PTPN21: variants seen among roughly 807,000 people sequenced by gnomAD.
PTPN21 encodes the protein protein tyrosine phosphatase non-receptor type 21, also known as tyrosine-protein phosphatase non-receptor type 21.
Under a neutral mutation model 131.8 loss-of-function variants are expected in PTPN21, and 77 were observed. The observed-to-expected ratio is 0.58, with a 90% CI of 0.49 to 0.71. The LOEUF (loss-of-function observed/expected upper bound fraction) is 0.71, where lower values mean the gene tolerates loss of function less well. PTPN21 is among the 30% of genes least tolerant of loss of function. The pLI, the probability that PTPN21 is intolerant of heterozygous loss-of-function variation, is 0.00. For missense variants in PTPN21, 1,552 were observed against 1,527.1 expected (o/e 1.02, Z -0.27); for synonymous variants, 715 against 621.3 (o/e 1.15, Z -2.24).
At chr14:88,526,536 C>T (rs1397164636) in intron 2 of PTPN21, among the ~76,000 whole-genome samples, 1 of 90,574 alleles carries the variant, frequency 1.1e-5, no homozygotes, top group Non-Finnish European at 1.9e-5. Context: ...GGCAATAGAG[C>T]GAGATGATCT....
Position 88,472,338 on chromosome 14 carries a change from C to T in PTPN21, c.2777G>A (p.Arg926Gln). 1.9e-6 allele frequency: 3 copies of T among 1,613,746 alleles called. No homozygotes were observed. The highest frequency in any genetic ancestry group is 2.2e-5 in the East Asian group (1 of 44,876). The stretch of plus-strand genomic sequence containing the variant: ...ATCATAAGGAAGAACATCTTGGAAT[C>T]GATTTCTTTCTGCATTTTCAGGGAG... ...ARLPENAERNRFQDVLPYDDV... is the reference protein window; with the variant it reads ...ARLPENAERNQFQDVLPYDDV... Residue 926 changes from arginine (R) to glutamine (Q), a missense_variant, in exon 15 of 19, where the codon CGA becomes CAA. Transcript: ENST00000556564.
chr14:88,506,922 T>C (rs2078099646), intron 4 of PTPN21, among the ~76,000 whole-genome samples: 1 of 151,960 alleles, frequency 6.6e-6, no homozygotes, highest in African/African-American at 2.4e-5. Context: ...GGCAGGTATC[T>C]GTAATCCCAG....
At chr14:88,507,880 T>TC in intron 4 of PTPN21, 43 bp downstream of exon 4, 1 of 1,265,454 alleles carries the variant, frequency 7.9e-7, no homozygotes. Flanking sequence ...GTAACACATT[T>TC]TAATCTGATA....
At chr14:88,551,939 C>T (rs1013609316) in intron 1 of PTPN21, 3 of 152,260 alleles carry the variant, frequency 2.0e-5, no homozygotes, top group African/African-American at 7.2e-5. Flanking sequence ...CTAAACGAGT[C>T]TACAAAATCC....
intron 4 of PTPN21, among the ~76,000 whole-genome samples, chr14:88,505,931 A>T (rs1223256063): frequency 6.6e-6 from 1 of 152,232 alleles, no homozygotes; most frequent in Admixed American, 6.5e-5. Flanking sequence ...TTTGTTTAAA[A>T]ATGATACATG....
chr14:88,548,559 C>G (rs1245948861), intron 2 of PTPN21, among the ~76,000 whole-genome samples: 2 of 152,176 alleles, frequency 1.3e-5, no homozygotes, highest in African/African-American at 2.4e-5. Context: ...ATGCATCATG[C>G]CTGTTTTCTT....
intron 15 of PTPN21, among the ~76,000 whole-genome samples, chr14:88,471,801 T>A (rs1241318529): frequency 6.6e-6 from 1 of 151,772 alleles, no homozygotes; most frequent in Non-Finnish European, 1.5e-5. Context: ...TCTTCAGATT[T>A]AGAAGGACAA....
chr14:88,504,386 G>T (rs112024697), intron 6 of PTPN21, 39 bp downstream of exon 6: 2 of 1,349,208 alleles, frequency 1.5e-6, no homozygotes, highest in South Asian at 1.2e-5. Context: ...AGCAGACATT[G>T]GTTCTATGCT....
intron 10 of PTPN21, among the ~76,000 whole-genome samples, chr14:88,495,494 C>A (rs1031258780): frequency 2.0e-5 from 3 of 152,132 alleles, no homozygotes; most frequent in African/African-American, 7.2e-5. Flanking sequence ...AACCCTGTCT[C>A]TACTAAAAAT....
intron 2 of PTPN21, among the ~76,000 whole-genome samples, chr14:88,543,829 G>C (rs1470236812): frequency 6.6e-6 from 1 of 152,070 alleles, no homozygotes; most frequent in African/African-American, 2.4e-5. Flanking sequence ...TTTAGCAGTG[G>C]CTCAGTATTT....
intron 5 of PTPN21, among the ~76,000 whole-genome samples, chr14:88,504,806 G>A (rs1057051531): frequency 2.0e-5 from 3 of 152,148 alleles, no homozygotes; most frequent in Admixed American, 6.5e-5. Flanking sequence ...TGCGTTCTCT[G>A]GCACTGTGTA....
intron 2 of PTPN21, among the ~76,000 whole-genome samples, chr14:88,544,742 G>A (rs191079818): frequency 8.5e-5 from 13 of 152,242 alleles, no homozygotes; most frequent in Admixed American, 2.0e-4. Flanking sequence ...GAAGCACCGC[G>A]CAGAGGAAAA....
intron 18 of PTPN21, 42 bp from the exon 19 acceptor site, chr14:88,468,307 G>C (rs366476): frequency 2.6e-6 from 4 of 1,540,156 alleles, no homozygotes; most frequent in Non-Finnish European, 3.5e-6. Flanking sequence ...GTGTTCCCCT[G>C]GGGAGACAGA....
At chr14:88,505,141 A>C (rs2078067830) in intron 5 of PTPN21, among the ~76,000 whole-genome samples, 163 bp downstream of exon 5, 1 of 152,220 alleles carries the variant, frequency 6.6e-6, no homozygotes, top group African/African-American at 2.4e-5. Flanking sequence ...AGATGACTAC[A>C]ACAGGGAAAG....
chr14:88,544,875 T>C (rs1595419819), intron 2 of PTPN21, among the ~76,000 whole-genome samples: 1 of 152,158 alleles, frequency 6.6e-6, no homozygotes, highest in African/African-American at 2.4e-5. Context: ...TCGCCCAGGC[T>C]GGAGTACAGT....
chr14:88,509,556 T>C (rs2078145726), intron 3 of PTPN21, among the ~76,000 whole-genome samples: 2 of 152,214 alleles, frequency 1.3e-5, no homozygotes, highest in South Asian at 4.1e-4. Flanking sequence ...CCCATGGATT[T>C]CCCTCTATAG....
chr14:88,478,552 C>A (rs2077580327), intron 13 of PTPN21, among the ~76,000 whole-genome samples: 1 of 152,166 alleles, frequency 6.6e-6, no homozygotes, highest in East Asian at 1.9e-4. Context: ...GCCACATCAC[C>A]CACAGTATTT....
chr14:88,508,062 T>G (rs1196093047), intron 3 of PTPN21, 42 bp from the exon 4 acceptor site: 2 of 1,129,106 alleles, frequency 1.8e-6, no homozygotes, highest in Non-Finnish European at 2.6e-6. Context: ...GTCAATATTA[T>G]CTCATTGAGA....
At chr14:88,554,458 T>C (rs1192788018) in intron 1 of PTPN21, among the ~76,000 whole-genome samples, 193 bp downstream of exon 1, 2 of 152,220 alleles carry the variant, frequency 1.3e-5, no homozygotes, top group Admixed American at 1.3e-4. Flanking sequence ...TAGAAATTAC[T>C]CAAGTATATG....
Sources: gnomAD v4.1 joint callset for allele counts (sites outside exome capture counted in the v4.1 genomes callset) on GRCh38, gnomAD v4.1.1 for gene constraint, MANE v1.5 for transcripts, NCBI Gene and HGNC (gene_info 2026-07-23, HGNC 2026-07-21) for gene names.